MYO1H: variants seen among roughly 807,000 people sequenced by gnomAD.
The protein encoded by MYO1H is myosin IH, also known as unconventional myosin-Ih.
A neutral mutation model predicts 149.3 loss-of-function variants in MYO1H; 118 were observed. That is an observed-to-expected ratio of 0.79 (90% CI 0.68 to 0.92). The LOEUF (loss-of-function observed/expected upper bound fraction) is 0.92. Among genes scored for constraint, MYO1H ranks in the 40% least tolerant of loss-of-function variants. MYO1H has a pLI of 0.00. For missense variants in MYO1H, 1,212 were observed against 1,280.7 expected (o/e 0.95, Z 0.82); for synonymous variants, 447 against 465.2 (o/e 0.96, Z 0.50).
chr12:109,388,733 G>C, exon 2 of MYO1H: 1 of 1,610,654 alleles, frequency 6.2e-7, no homozygotes, highest in African/African-American at 1.3e-5. Flanking sequence ...AAGGGGCGCT[G>C]ACTGCCCGGG....
At chr12:109,429,722 A>G (rs1211606114) in intron 19 of MYO1H, among the ~76,000 whole-genome samples, 2 of 152,202 alleles carry the variant, frequency 1.3e-5, no homozygotes, top group African/African-American at 4.8e-5. Flanking sequence ...AATCCAGGTA[A>G]GGGGAAAGAG....
At chr12:109,362,648 G>A (rs779331865) in intron 1 of MYO1H, among the ~76,000 whole-genome samples, 20 of 152,264 alleles carry the variant, frequency 1.3e-4, no homozygotes, top group Admixed American at 2.6e-4. Context: ...GTAATAAACC[G>A]GGAGAAACTT....
intron 15 of MYO1H, among the ~76,000 whole-genome samples, chr12:109,420,731 C>T (rs543116312): frequency 6.6e-6 from 1 of 152,076 alleles, no homozygotes; most frequent in East Asian, 1.9e-4. Flanking sequence ...GTTGTCACAA[C>T]TGGGGACAGT....
chr12:109,442,110 C>T lies in MYO1H; in HGVS notation c.2633-107C>T, dbSNP rs1429468715. On this transcript the variant is annotated intron_variant, in intron 26 of 31. Coordinates refer to ENST00000310903, the Ensembl canonical transcript of MYO1H. Reference sequence around the variant, plus strand: ...CATTTCCTGATGGCTATTTCCCCACCTGAGATCTTAGCACAGAGATGCATA... The same window carrying T: ...CATTTCCTGATGGCTATTTCCCCACTTGAGATCTTAGCACAGAGATGCATA... The T allele has an allele frequency of 5.5e-6, 5 of 915,560 alleles. No homozygotes were observed. In the Admixed American group the frequency reaches 9.9e-5, roughly 18 times the overall value. The allele number at this position is 915,560 out of a possible 1,614,324, so 56.7% of individuals were successfully genotyped here.
chr12:109,446,067 A>G (rs978803784), intron 31 of MYO1H: 33 of 985,086 alleles, frequency 3.3e-5, no homozygotes, highest in Non-Finnish European at 4.0e-5. Context: ...GTAAGAAAGA[A>G]ATGTGTAAAA....
At chr12:109,328,029 G>A in the MYO1H span, among the ~76,000 whole-genome samples, 1 of 151,424 alleles carries the variant, frequency 6.6e-6, no homozygotes, top group Non-Finnish European at 1.5e-5. Flanking sequence ...GAAGAAGGAT[G>A]GTGATAGCTA....
chr12:109,421,756 G>C (rs936629272), intron 16 of MYO1H, among the ~76,000 whole-genome samples: 1 of 152,138 alleles, frequency 6.6e-6, no homozygotes, highest in Non-Finnish European at 1.5e-5. Flanking sequence ...TTAGCCCCCA[G>C]GGCTGCCGAC....
chr12:109,366,740 A>C (rs1868873518), intron 1 of MYO1H, among the ~76,000 whole-genome samples: 1 of 152,232 alleles, frequency 6.6e-6, no homozygotes, highest in Non-Finnish European at 1.5e-5. Flanking sequence ...GGTCAAACTG[A>C]GTAGAGGCAA....
intron 1 of MYO1H, among the ~76,000 whole-genome samples, chr12:109,348,284 T>G (rs187781476): frequency 9.2e-5 from 14 of 152,344 alleles, no homozygotes; most frequent in African/African-American, 2.9e-4. Context: ...CACTGCCTAA[T>G]GCAAGAGCTC....
At chr12:109,388,064 T>C (rs1357149364) in intron 1 of MYO1H, among the ~76,000 whole-genome samples, 1 of 152,172 alleles carries the variant, frequency 6.6e-6, no homozygotes, top group African/African-American at 2.4e-5. Flanking sequence ...AAGTTTGTCC[T>C]TCCTTAAATA....
intron 1 of MYO1H, among the ~76,000 whole-genome samples, chr12:109,380,371 G>A (rs918796612): frequency 3.9e-4 from 59 of 150,916 alleles, no homozygotes; most frequent in African/African-American, 1.4e-3. Flanking sequence ...GACATAAACG[G>A]TAAAATGAAA....
chr12:109,444,349 C>T (rs1460909011), intron 29 of MYO1H, 66 bp downstream of exon 29: 2 of 1,569,180 alleles, frequency 1.3e-6, no homozygotes, highest in Admixed American at 3.3e-5. Flanking sequence ...GTTAAGTTGA[C>T]CACCGTGAAA....
chr12:109,390,772 TCTC>T (rs1287677510), intron 2 of MYO1H, among the ~76,000 whole-genome samples: 2 of 151,078 alleles, frequency 1.3e-5, no homozygotes, highest in African/African-American at 4.9e-5. Context: ...TTCAAGCAAT[TCTC>T]CTGCCTCAGC....
At chr12:109,402,400 A>G (rs2137051442) in intron 6 of MYO1H, among the ~76,000 whole-genome samples, 1 of 152,334 alleles carries the variant, frequency 6.6e-6, no homozygotes, top group East Asian at 1.9e-4. Context: ...TTATAAAATG[A>G]ATCTCATAAA....
chr12:109,409,907 TA>T (rs775284070), intron 11 of MYO1H, 55 bp from the exon 12 acceptor site: 10 of 1,042,904 alleles, frequency 9.6e-6, no homozygotes, highest in African/African-American at 6.6e-5. Flanking sequence ...ATAATTTGTT[TA>T]AAAAAATTGT....
In MYO1H at chr12:109,429,689, G is replaced by A. The variant is rs189911563; in HGVS notation, c.1949+2103G>A. ...GGGTGACTGCATAAGGCCAGGCAGG[G>A]ATATGTTATTTGAAGAAAAGTGAAT... is the stretch of plus-strand genomic sequence containing the variant. On this transcript the variant is annotated intron_variant, in intron 19 of 31. Coordinates refer to ENST00000310903, the Ensembl canonical transcript of MYO1H. 1.5e-3 allele frequency among the ~76,000 whole-genome samples: 227 copies of A among 152,284 alleles called. 1 individual carries two copies. The highest frequency in any genetic ancestry group is 2.6e-3 in the Non-Finnish European group (176 of 68,028).
At chr12:109,427,898 AAAAAAAAAAAAATAT>A (rs1279279831) in intron 19 of MYO1H, among the ~76,000 whole-genome samples, 3 of 74,998 alleles carry the variant, frequency 4.0e-5, no homozygotes, top group African/African-American at 1.8e-4. Flanking sequence ...AAAAAAAAAA[AAAAAAAAAAAAATAT>A]ATATATATAT....
At chr12:109,334,513 G>A in the MYO1H span, among the ~76,000 whole-genome samples, 1 of 152,156 alleles carries the variant, frequency 6.6e-6, no homozygotes, top group African/African-American at 2.4e-5. Flanking sequence ...TTGTAGATGA[G>A]AAAATAAGGC....
intron 29 of MYO1H, 74 bp downstream of exon 29, chr12:109,444,357 A>T (rs534080379): frequency 6.4e-7 from 1 of 1,567,026 alleles, no homozygotes; most frequent in African/African-American, 1.3e-5. Flanking sequence ...GACCACCGTG[A>T]AACTTCTCTA....
Sources: allele counts gnomAD v4.1 joint callset (sites outside exome capture counted in the v4.1 genomes callset), GRCh38; gene constraint gnomAD v4.1.1; transcripts MANE v1.5; gene names NCBI Gene and HGNC (gene_info 2026-07-23, HGNC 2026-07-21).